Variants in PCDH15 observed in about 807,000 individuals in gnomAD.
PCDH15 encodes protocadherin related 15.
Under a neutral mutation model 178.5 loss-of-function variants are expected in PCDH15, and 129 were observed. That is an observed-to-expected ratio of 0.72 (90% CI 0.63 to 0.84). The LOEUF is 0.84. Ranked by LOEUF, PCDH15 falls within the 40% of genes least tolerant of loss-of-function variation. PCDH15 has a pLI of 0.00. For missense variants in PCDH15, 2,230 were observed against 2,099.9 expected (o/e 1.06, Z -1.21); for synonymous variants, 800 against 732.0 (o/e 1.09, Z -1.50).
chr10:55,137,010 C>A (rs181458996), intron 2 of PCDH15, among the ~76,000 whole-genome samples: 23 of 152,122 alleles, frequency 1.5e-4, no homozygotes, highest in African/African-American at 4.1e-4. Context: ...ATGGTTTTGG[C>A]TTATTTAAAT....
chr10:53,934,673 CTG>C (rs960641221), intron 25 of PCDH15, among the ~76,000 whole-genome samples: 2 of 151,868 alleles, frequency 1.3e-5, no homozygotes, highest in Non-Finnish European at 2.9e-5. Flanking sequence ...AGTCATCAAA[CTG>C]TGCAAATGCT....
In PCDH15 at chr10:54,307,126, A is replaced by G. The variant is rs1334560516; in HGVS notation, c.876+10145T>C. Among the ~76,000 whole-genome samples the G allele has an allele frequency of 5.1e-4, 36 of 70,278 alleles. 5 individuals carry two copies. The East Asian group carries it at 0.011, about 21-fold the overall frequency. The allele number at this position is 70,278 out of a possible 152,430, so 46.1% of individuals were successfully genotyped here. A position where few individuals can be genotyped will look rare whatever the true frequency, so the allele number is the denominator to read the frequency against. ...TGTGTATATATATATATATATATAT[A>G]TATATATATATATATATATATATAA... On this transcript the variant is annotated intron_variant, in intron 8 of 37. Coordinates refer to ENST00000644397, the MANE Select transcript of PCDH15 (RefSeq NM_001384140.1).
rs192553841 is a variant in PCDH15 at position 54,249,491 on chromosome 10, T to C, written c.877-12560A>G. Among the ~76,000 whole-genome samples the C allele has an allele frequency of 1.8e-3, 281 of 152,342 alleles. 2 individuals carry two copies. Among genetic ancestry groups the C allele is most frequent in the Non-Finnish European group, 1.9e-3 (129 of 68,012 alleles). ...TATATTTGTGTCTTGCCTGTTCATTTACTTTGCCTATTTTGCTTTGTTTTA... is the reference window on the plus strand; with the variant it reads ...TATATTTGTGTCTTGCCTGTTCATTCACTTTGCCTATTTTGCTTTGTTTTA... On this transcript the variant is annotated intron_variant, in intron 8 of 37. Coordinates refer to ENST00000644397, the MANE Select transcript of PCDH15 (RefSeq NM_001384140.1).
chr10:55,029,317 CAT>C (rs889446096), intron 2 of PCDH15, among the ~76,000 whole-genome samples: 6 of 151,878 alleles, frequency 4.0e-5, no homozygotes, highest in South Asian at 2.1e-4. Flanking sequence ...GTATAATATA[CAT>C]ATATATATGA....
At chr10:55,313,090 C>T (rs189042600) in intron 1 of PCDH15, among the ~76,000 whole-genome samples, 207 of 152,158 alleles carry the variant, frequency 1.4e-3, no homozygotes, top group African/African-American at 4.7e-3. Context: ...TTCCTGTCCC[C>T]ATAGAACTTC....
intron 2 of PCDH15, among the ~76,000 whole-genome samples, chr10:55,160,577 T>C (rs10763187): frequency 0.21 from 32,005 of 150,398 alleles, 3,896 homozygotes; most frequent in East Asian, 0.34. Context: ...AATGGGCCCC[T>C]CTCAATCAAA....
intron 15 of PCDH15, among the ~76,000 whole-genome samples, chr10:54,104,835 T>C (rs1468485893): frequency 1.9e-4 from 19 of 99,024 alleles, no homozygotes; most frequent in Non-Finnish European, 1.9e-5. Context: ...AGACTCTGCC[T>C]CAACAACAAC....
At chr10:55,237,911 C>A (rs184459080) in intron 1 of PCDH15, among the ~76,000 whole-genome samples, 1 of 151,596 alleles carries the variant, frequency 6.6e-6, no homozygotes, top group Admixed American at 6.6e-5. Context: ...TAAATATGAT[C>A]TTTTTTCTTG....
At position 54,827,676 on chromosome 10, in the gene PCDH15, C is replaced by T. The variant is rs567615667; in HGVS notation, c.-29+69774G>A. On this transcript the variant is annotated intron_variant, in intron 3 of 5. Coordinates refer to the PCDH15 transcript ENST00000458638. Reference sequence around the variant, plus strand: ...AAAACAACTGCATCTTATTAAATTGCCTGCTGGGCTTACTGAAACTTTAAA... The same window carrying T: ...AAAACAACTGCATCTTATTAAATTGTCTGCTGGGCTTACTGAAACTTTAAA... Among the ~76,000 whole-genome samples the T allele has an allele frequency of 3.9e-5, 6 of 152,110 alleles. No homozygotes were observed. In the South Asian group the frequency reaches 1.0e-3, roughly 26 times the overall value.
intron 26 of PCDH15, among the ~76,000 whole-genome samples, chr10:53,892,579 A>C (rs1420334863): frequency 2.0e-5 from 3 of 152,172 alleles, no homozygotes; most frequent in Non-Finnish European, 4.4e-5. Flanking sequence ...TTGTATACTC[A>C]ACTGACATCT....
chr10:55,602,544 A>G (rs925225862), intron 2 of PCDH15, among the ~76,000 whole-genome samples: 3 of 152,146 alleles, frequency 2.0e-5, no homozygotes, highest in East Asian at 1.9e-4. Context: ...GAGATCTGAG[A>G]ACAGGCAGAC....
intron 3 of PCDH15, among the ~76,000 whole-genome samples, chr10:54,526,776 T>A (rs906128789): frequency 2.6e-5 from 4 of 152,182 alleles, no homozygotes; most frequent in African/African-American, 9.6e-5. Flanking sequence ...TTTCACAGAA[T>A]GTGTGGGAAT....
In PCDH15 at chr10:54,224,212, A is replaced by C. The variant is rs140136929; in HGVS notation, c.986-10164T>G. Among the ~76,000 whole-genome samples, 1,503 of 152,314 alleles carry C rather than the reference A, an allele frequency of 9.9e-3. 24 individuals carry two copies. Among genetic ancestry groups the C allele is most frequent in the African/African-American group, 0.035 (1,452 of 41,578 alleles). ...TAGAAATTATAGTCAGTTTCAATAAAACACTGCTAATGAAAACACCCACAA... is the reference window on the plus strand; with the variant it reads ...TAGAAATTATAGTCAGTTTCAATAACACACTGCTAATGAAAACACCCACAA... On this transcript the variant is annotated intron_variant, in intron 9 of 37. Transcript: ENST00000644397.
intron 17 of PCDH15, among the ~76,000 whole-genome samples, chr10:54,077,763 C>A (rs1277848113): frequency 6.6e-6 from 1 of 152,072 alleles, no homozygotes; most frequent in African/African-American, 2.4e-5. Flanking sequence ...CACAGACATA[C>A]TGTAATAATT....
intron 2 of PCDH15, among the ~76,000 whole-genome samples, chr10:55,047,228 C>A (rs1841031066): frequency 6.6e-6 from 1 of 151,740 alleles, no homozygotes. Context: ...TGGTACATAG[C>A]AAAGATTCAC....
chr10:54,971,732 G>C (rs1226357411), intron 2 of PCDH15, among the ~76,000 whole-genome samples: 1 of 152,072 alleles, frequency 6.6e-6, no homozygotes, highest in Middle Eastern at 3.2e-3. Flanking sequence ...AACTATATTT[G>C]GCATATAGTA....
chr10:54,447,794 CAAGTA>C (rs1326009038), intron 3 of PCDH15, among the ~76,000 whole-genome samples: 1 of 151,638 alleles, frequency 6.6e-6, no homozygotes, highest in Non-Finnish European at 1.5e-5. Flanking sequence ...TAGATTTTAT[CAAGTA>C]AATTGTAAAA....
chr10:54,825,005 C>T (rs577409859), intron 3 of PCDH15, among the ~76,000 whole-genome samples: 4 of 152,030 alleles, frequency 2.6e-5, no homozygotes, highest in South Asian at 2.1e-4. Context: ...GTATATCTCC[C>T]AATGCTATCC....
At chr10:55,450,532 A>C (rs1164860523) in intron 2 of PCDH15, among the ~76,000 whole-genome samples, 1 of 152,066 alleles carries the variant, frequency 6.6e-6, no homozygotes, top group African/African-American at 2.4e-5. Context: ...AATGATCAGA[A>C]CTCTTTTGGT....
Sources: gnomAD v4.1 joint callset for allele counts (sites outside exome capture counted in the v4.1 genomes callset) on GRCh38, gnomAD v4.1.1 for gene constraint, MANE v1.5 for transcripts, NCBI Gene and HGNC (gene_info 2026-07-23, HGNC 2026-07-21) for gene names.